ADK: variants seen among roughly 807,000 people sequenced by gnomAD.
ADK encodes adenosine kinase.
ADK carries 24 observed loss-of-function variants against 44.7 expected under a neutral mutation model. The ratio of observed to expected loss-of-function variants is 0.54; its 90% CI spans 0.39 to 0.76. ADK has a LOEUF of 0.76. Among genes scored for constraint, ADK ranks in the 30% least tolerant of loss-of-function variants. The pLI is 0.00. For synonymous variants in ADK, 128 were observed against 142.6 expected, an observed-to-expected ratio of 0.90 and a Z score of 0.73; for missense variants, 321 against 425.1, an observed-to-expected ratio of 0.76 and a Z score of 2.15.
intron 9 of ADK, among the ~76,000 whole-genome samples, chr10:74,665,751 G>C (rs1854926162): frequency 7.1e-6 from 1 of 140,180 alleles, no homozygotes; most frequent in Non-Finnish European, 1.5e-5. Context: ...GAGAGAGAGA[G>C]AGAGAGAGAG....
chr10:74,464,201 T>G (rs1846268865), intron 6 of ADK, among the ~76,000 whole-genome samples: 1 of 152,118 alleles, frequency 6.6e-6, no homozygotes. Context: ...TGTTCAAGTT[T>G]CTAGAAATTT....
At chr10:74,231,964 T>G (rs189942748) in intron 3 of ADK, among the ~76,000 whole-genome samples, 4,821 of 146,786 alleles carry the variant, frequency 0.033, 276 homozygotes, top group African/African-American at 0.11. Context: ...TTTGTTTGTC[T>G]TTTTTTTTTT....
chr10:74,329,051 TATAATA>T (rs1406516275), intron 4 of ADK, among the ~76,000 whole-genome samples: 1 of 110,818 alleles, frequency 9.0e-6, no homozygotes, highest in African/African-American at 3.5e-5. Context: ...GAACTTAAAG[TATAATA>T]ATAATAAAAT....
At chr10:74,458,268 T>C (rs1377023955) in intron 6 of ADK, among the ~76,000 whole-genome samples, 1 of 146,742 alleles carries the variant, frequency 6.8e-6, no homozygotes, top group African/African-American at 2.5e-5. Context: ...GTATCTGGAC[T>C]CAAAGGCGTG....
intron 9 of ADK, among the ~76,000 whole-genome samples, chr10:74,650,038 T>G (rs1029703896): frequency 2.0e-5 from 3 of 152,150 alleles, no homozygotes; most frequent in African/African-American, 7.2e-5. Flanking sequence ...AACTTTCCCC[T>G]CAGATCCTAG....
intron 7 of ADK, chr10:74,528,057 A>G (rs1344489166): frequency 9.0e-6 from 9 of 996,902 alleles, no homozygotes; most frequent in Non-Finnish European, 1.4e-5. Flanking sequence ...AACTCTTAAG[A>G]TAAAATGACG....
chr10:74,356,019 T>TTTG (rs1842134751), intron 4 of ADK, among the ~76,000 whole-genome samples: 1 of 136,488 alleles, frequency 7.3e-6, no homozygotes, highest in Non-Finnish European at 1.6e-5. Flanking sequence ...TTTTTTTTTT[T>TTTG]TTTTTTTTTT....
At chr10:74,511,144 C>A (rs1220335172) in intron 6 of ADK, among the ~76,000 whole-genome samples, 2 of 152,180 alleles carry the variant, frequency 1.3e-5, no homozygotes, top group African/African-American at 4.8e-5. Flanking sequence ...CAATTCTTGG[C>A]ACTTTTGTCA....
chr10:74,707,169 A>G (rs1356177045), intron 10 of ADK, among the ~76,000 whole-genome samples: 1 of 152,020 alleles, frequency 6.6e-6, no homozygotes, highest in Non-Finnish European at 1.5e-5. Flanking sequence ...CTGAGTAGCT[A>G]GGTCTACAGG....
At chr10:74,666,830 C>CTTTT (rs11317030) in intron 9 of ADK, among the ~76,000 whole-genome samples, 2 of 109,046 alleles carry the variant, frequency 1.8e-5, no homozygotes, top group African/African-American at 3.4e-5. Context: ...AGTTTTGTGA[C>CTTTT]TTTTTTTTTT....
At chr10:74,299,624 C>CATAT (rs61593434) in intron 3 of ADK, among the ~76,000 whole-genome samples, 3 of 149,178 alleles carry the variant, frequency 2.0e-5, no homozygotes, top group South Asian at 2.1e-4. Flanking sequence ...ATACATTATA[C>CATAT]ATATATATGG....
At chr10:74,496,696 T>C (rs1036881162) in intron 6 of ADK, among the ~76,000 whole-genome samples, 1 of 152,152 alleles carries the variant, frequency 6.6e-6, no homozygotes, top group Admixed American at 6.6e-5. Flanking sequence ...CTCAAACTCC[T>C]TGGCTCAAGT....
chr10:74,345,306 C>CT (rs57927844), intron 4 of ADK, among the ~76,000 whole-genome samples: 40 of 147,452 alleles, frequency 2.7e-4, no homozygotes, highest in Admixed American at 1.1e-3. Flanking sequence ...CATCACGTAT[C>CT]TTTTTTTTTT....
intron 1 of ADK, among the ~76,000 whole-genome samples, chr10:74,199,310 A>T (rs1843284683): frequency 6.6e-6 from 1 of 152,208 alleles, no homozygotes; most frequent in Non-Finnish European, 1.5e-5. Flanking sequence ...ATAGTAACCA[A>T]TAGGTAGTTT....
chr10:74,255,169 T>C (rs1311886521), intron 3 of ADK, among the ~76,000 whole-genome samples: 2 of 152,076 alleles, frequency 1.3e-5, no homozygotes, highest in Non-Finnish European at 2.9e-5. Flanking sequence ...AGTTGGGGGT[T>C]GGAGAGTTAG....
chr10:74,395,295 A>G (rs746815087), intron 5 of ADK, among the ~76,000 whole-genome samples: 7 of 150,976 alleles, frequency 4.6e-5, no homozygotes, highest in Non-Finnish European at 7.4e-5. Context: ...CATTTCTTCT[A>G]TTTACCCACT....
chr10:74,256,036 A>T (rs1845811684), intron 3 of ADK, among the ~76,000 whole-genome samples: 1 of 152,222 alleles, frequency 6.6e-6, no homozygotes, highest in Admixed American at 6.5e-5. Context: ...TTGTAATCAG[A>T]GTCAAGAAAA....
chr10:74,640,681 G>C (rs373668761), intron 9 of ADK, among the ~76,000 whole-genome samples: 3 of 152,186 alleles, frequency 2.0e-5, no homozygotes, highest in African/African-American at 7.2e-5. Flanking sequence ...CATTGCAAGT[G>C]CTCAACTCTC....
At chr10:74,328,095 GACGGGGTTTC>G (rs1841081553) in intron 4 of ADK, among the ~76,000 whole-genome samples, 1 of 152,062 alleles carries the variant, frequency 6.6e-6, no homozygotes, top group Non-Finnish European at 1.5e-5. Context: ...TTTTAGTAGA[GACGGGGTTTC>G]ACCATGTTGC....
Sources: allele counts gnomAD v4.1 joint callset (sites outside exome capture counted in the v4.1 genomes callset), GRCh38; gene constraint gnomAD v4.1.1; transcripts MANE v1.5; gene names NCBI Gene and HGNC (gene_info 2026-07-23, HGNC 2026-07-21).